AKAP19: variants seen among roughly 807,000 people sequenced by gnomAD.
The protein encoded by AKAP19 is small A-kinase anchoring protein.
the AKAP19 span, chr2:190,062,617 CT>C: frequency 1.2e-6 from 2 of 1,606,226 alleles, no homozygotes; most frequent in Non-Finnish European, 1.7e-6. Context: ...TCAATATAAT[CT>C]TTTTTCTTGT....
the AKAP19 span, among the ~76,000 whole-genome samples, chr2:190,169,253 C>T: frequency 1.3e-5 from 2 of 152,094 alleles, no homozygotes; most frequent in African/African-American, 2.4e-5. Flanking sequence ...ACAGGAAAGA[C>T]CTGCCCCCAT....
At chr2:190,168,050 C>T in the AKAP19 span, among the ~76,000 whole-genome samples, 45 of 152,300 alleles carry the variant, frequency 3.0e-4, 1 homozygote, top group South Asian at 3.7e-3. Flanking sequence ...CCATGAGGGC[C>T]CTGCCCCTGC....
At chr2:189,963,491 G>T in the AKAP19 span, among the ~76,000 whole-genome samples, 1 of 151,932 alleles carries the variant, frequency 6.6e-6, no homozygotes, top group African/African-American at 2.4e-5. Flanking sequence ...CACCGCGCCC[G>T]GCCCAGGCTT....
At chr2:190,069,173 TGTGA>T in the AKAP19 span, among the ~76,000 whole-genome samples, 50 of 98,918 alleles carry the variant, frequency 5.1e-4, no homozygotes, top group African/African-American at 1.3e-3. Context: ...TGTGTGTGTG[TGTGA>T]GAGAGAGAGA....
chr2:189,992,580 T>C, the AKAP19 span, among the ~76,000 whole-genome samples: 1 of 152,192 alleles, frequency 6.6e-6, no homozygotes, highest in African/African-American at 2.4e-5. Context: ...ATTTTGATGA[T>C]AATTGCATTA....
At chr2:189,936,059 T>C in the AKAP19 span, among the ~76,000 whole-genome samples, 1 of 152,186 alleles carries the variant, frequency 6.6e-6, no homozygotes, top group South Asian at 2.1e-4. Flanking sequence ...ATTGTAAGAT[T>C]ATAAAATAAT....
chr2:190,055,386 A>G, the AKAP19 span, among the ~76,000 whole-genome samples: 1 of 151,976 alleles, frequency 6.6e-6, no homozygotes, highest in Non-Finnish European at 1.5e-5. Flanking sequence ...GTTAAATGAC[A>G]AGTTACTCGG....
the AKAP19 span, among the ~76,000 whole-genome samples, chr2:190,177,901 T>G: frequency 1.3e-5 from 2 of 152,218 alleles, no homozygotes; most frequent in Non-Finnish European, 2.9e-5. This position sits in a 1 kb window ranked among gnomAD's most constrained non-coding sequence, Gnocchi z 4.6. Context: ...ATTTTATCAT[T>G]GCTGTTTTTA....
At chr2:189,999,956 A>T in the AKAP19 span, among the ~76,000 whole-genome samples, 22 of 152,368 alleles carry the variant, frequency 1.4e-4, no homozygotes, top group South Asian at 3.5e-3. Context: ...GAAGTTGCTA[A>T]CTAACGTAGG....
the AKAP19 span, among the ~76,000 whole-genome samples, chr2:189,974,561 C>A: frequency 7.2e-5 from 11 of 152,224 alleles, no homozygotes; most frequent in African/African-American, 2.4e-4. Context: ...GTTGATCTGT[C>A]TAATGTTAGC....
the AKAP19 span, among the ~76,000 whole-genome samples, chr2:190,069,118 G>T: frequency 5.4e-5 from 8 of 148,620 alleles, no homozygotes; most frequent in Non-Finnish European, 1.0e-4. Flanking sequence ...CTCAAAAGGG[G>T]TGTGTGTGTG....
chr2:189,932,905 TC>T, the AKAP19 span, among the ~76,000 whole-genome samples: 2 of 152,112 alleles, frequency 1.3e-5, no homozygotes, highest in African/African-American at 4.8e-5. Flanking sequence ...CAACTGAGTA[TC>T]TTAAAGATAC....
At chr2:189,909,825 GTTATT>G in the AKAP19 span, among the ~76,000 whole-genome samples, 3 of 151,980 alleles carry the variant, frequency 2.0e-5, no homozygotes, top group African/African-American at 7.2e-5. Flanking sequence ...CATTTGAATA[GTTATT>G]TTATTAATGG....
chr2:190,038,961 C>CT, the AKAP19 span, among the ~76,000 whole-genome samples: 12 of 145,036 alleles, frequency 8.3e-5, no homozygotes, highest in Admixed American at 7.6e-4. Flanking sequence ...TCTTCTTCTT[C>CT]TTCTTCTTCT....
the AKAP19 span, chr2:189,917,582 G>C: frequency 4.6e-6 from 2 of 438,724 alleles, no homozygotes; most frequent in African/African-American, 4.1e-5. Flanking sequence ...CTTATTGCTG[G>C]GCTCCACATT....
At chr2:190,057,570 A>G in the AKAP19 span, 3 of 1,613,428 alleles carry the variant, frequency 1.9e-6, no homozygotes, top group African/African-American at 2.7e-5. Flanking sequence ...AGTGCTCATC[A>G]CAGTCAAGAC....
chr2:190,117,835 A>G, the AKAP19 span, among the ~76,000 whole-genome samples: 1 of 152,332 alleles, frequency 6.6e-6, no homozygotes, highest in East Asian at 1.9e-4. Flanking sequence ...TGGATCCACA[A>G]TGAATGTGCT....
At chr2:189,950,003 T>A in the AKAP19 span, among the ~76,000 whole-genome samples, 1 of 150,264 alleles carries the variant, frequency 6.7e-6, no homozygotes, top group African/African-American at 2.4e-5. Context: ...GAATCAATCA[T>A]GTTATCTTAG....
At chr2:190,136,245 T>C in the AKAP19 span, among the ~76,000 whole-genome samples, 18 of 152,306 alleles carry the variant, frequency 1.2e-4, no homozygotes, top group African/African-American at 3.6e-4. Flanking sequence ...TTAAAAATGT[T>C]AGCTTTAACT....
Sources: gnomAD v4.1 joint callset for allele counts (sites outside exome capture counted in the v4.1 genomes callset) on GRCh38, gnomAD v4.1.1 for gene constraint, Gnocchi (gnomAD v3.1) non-coding constraint, MANE v1.5 for transcripts, NCBI Gene and HGNC (gene_info 2026-07-23, HGNC 2026-07-21) for gene names.